NUP210L: variants seen among roughly 807,000 people sequenced by gnomAD.
The protein encoded by NUP210L is nuclear pore membrane glycoprotein 210-like.
In NUP210L, 74 loss-of-function variants were observed where a neutral mutation model predicts 208.5. The ratio of observed to expected loss-of-function variants is 0.35; its 90% CI spans 0.29 to 0.43. NUP210L has a LOEUF of 0.43. Ranked by LOEUF, NUP210L falls within the 20% of genes least tolerant of loss-of-function variation. The probability of loss-of-function intolerance (pLI) is 1.00; values close to 1 mark genes in which losing one functional copy is unlikely to be tolerated. For missense variants in NUP210L, 1,843 were observed against 2,289.4 expected (o/e 0.81, Z 3.98); for synonymous variants, 780 against 816.9 (o/e 0.95, Z 0.77).
At chr1:154,025,784 A>G (rs1571184362) in intron 29 of NUP210L, 68 bp from the exon 30 acceptor site, 1 of 1,402,808 alleles carries the variant, frequency 7.1e-7, no homozygotes, top group East Asian at 2.3e-5. Context: ...AAGAGTAAAA[A>G]TTTCCAGGAT....
Position 154,113,857 on chromosome 1 carries a change from CAAAAAA to C in NUP210L, c.1620+3862_1620+3867del, listed in dbSNP as rs11298820. Among the ~76,000 whole-genome samples the C allele has an allele frequency of 2.4e-3, 99 of 40,674 alleles. 1 individual carries two copies. The highest frequency in any genetic ancestry group is 0.011 in the African/African-American group (92 of 8,646). 26.7% of individuals were successfully genotyped at this position (40,674 alleles called of 152,430 possible). A position where few individuals can be genotyped will look rare whatever the true frequency, so the allele number is the denominator to read the frequency against. Reference sequence around the variant, plus strand: ...TGGACAACAGAGCAAGACTCCATCTCAAAAAAAAAAAAAAAAAAAAAAGCCGGGTGT... The same window carrying C: ...TGGACAACAGAGCAAGACTCCATCTCAAAAAAAAAAAAAAAAGCCGGGTGT... On this transcript the variant is annotated intron_variant, in intron 12 of 39. Coordinates refer to ENST00000368559, the Ensembl canonical transcript of NUP210L.
intron 25 of NUP210L, among the ~76,000 whole-genome samples, chr1:154,048,363 G>A (rs1653302357): frequency 6.6e-6 from 1 of 152,046 alleles, no homozygotes; most frequent in Admixed American, 6.6e-5. Context: ...TTCCCTGTTA[G>A]GATACACCCC....
At chr1:154,073,859 A>AATTC (rs1654902926) in intron 16 of NUP210L, among the ~76,000 whole-genome samples, 1 of 141,970 alleles carries the variant, frequency 7.0e-6, no homozygotes, top group Non-Finnish European at 1.6e-5. Flanking sequence ...TAAATAAATA[A>AATTC]ATTCAATGGT....
At chr1:154,101,913 G>T (rs1189674601) in intron 13 of NUP210L, among the ~76,000 whole-genome samples, 1 of 152,204 alleles carries the variant, frequency 6.6e-6, no homozygotes, top group Admixed American at 6.5e-5. Context: ...ACTTTGGGAG[G>T]CCGAGGCAGG....
intron 16 of NUP210L, among the ~76,000 whole-genome samples, chr1:154,077,885 TGA>T (rs1655123905): frequency 6.6e-6 from 1 of 151,998 alleles, no homozygotes; most frequent in Admixed American, 6.6e-5. Flanking sequence ...CTTGGGAGGC[TGA>T]GACAGGAGAA....
At chr1:154,042,783 C>T (rs1316112121) in intron 27 of NUP210L, among the ~76,000 whole-genome samples, 1 of 151,774 alleles carries the variant, frequency 6.6e-6, no homozygotes, top group Non-Finnish European at 1.5e-5. Flanking sequence ...TCCAGTGGTG[C>T]AATCTCGGCT....
intron 7 of NUP210L, among the ~76,000 whole-genome samples, chr1:154,134,630 G>A (rs1402076993): frequency 6.0e-5 from 9 of 148,836 alleles, no homozygotes; most frequent in African/African-American, 2.2e-4. Context: ...CCAGCTACTC[G>A]GGAGGCTGAG....
chr1:154,126,016 C>T (rs1178022705), intron 10 of NUP210L, among the ~76,000 whole-genome samples: 1 of 151,746 alleles, frequency 6.6e-6, no homozygotes, highest in Non-Finnish European at 1.5e-5. Context: ...GATCCGCCCG[C>T]CTCGGCCTCC....
At chr1:154,041,651 A>G (rs541236591) in intron 27 of NUP210L, among the ~76,000 whole-genome samples, 41 of 152,194 alleles carry the variant, frequency 2.7e-4, no homozygotes, top group Admixed American at 1.0e-3. Flanking sequence ...AGAGAAAAAA[A>G]AAAAGAAAAG....
chr1:154,000,350 C>A (rs946861427), intron 37 of NUP210L, among the ~76,000 whole-genome samples: 2 of 152,114 alleles, frequency 1.3e-5, no homozygotes, highest in African/African-American at 4.8e-5. Context: ...GTGGATGCCA[C>A]AGATAATATT....
Position 154,019,003 on chromosome 1 carries a change from C to A in NUP210L, c.4583G>T (p.Gly1528Val), listed in dbSNP as rs371933630. The change falls in exon 33 of 40, where the codon GGA becomes GTA. Residue 1528 changes from glycine (G) to valine (V), a missense_variant. Around this residue, in one of 5 missense-constraint regions of NUP210L, gnomAD observed 781 missense variants for 973.8 expected, o/e 0.80. Coordinates refer to ENST00000368559, the Ensembl canonical transcript of NUP210L. The stretch of plus-strand genomic sequence containing the variant: ...TGCAGTCCCCGGACTCCTGGCCACT[C>A]CTACTCCAGTGACAATGTCTGTCTG... The A allele has an allele frequency of 3.1e-6, 5 of 1,614,088 alleles. No individual in the cohort carries two copies. The African/African-American group carries it at 6.7e-5, about 22-fold the overall frequency.
chr1:154,078,301 T>C (rs548569730), intron 16 of NUP210L, among the ~76,000 whole-genome samples: 9 of 146,450 alleles, frequency 6.1e-5, no homozygotes, highest in African/African-American at 2.3e-4. Context: ...AGATCCTATC[T>C]CCAAAAAAAA....
intron 27 of NUP210L, among the ~76,000 whole-genome samples, chr1:154,035,562 T>C (rs1652486537): frequency 6.6e-6 from 1 of 151,486 alleles, no homozygotes; most frequent in Non-Finnish European, 1.5e-5. Flanking sequence ...CACGCCCAGC[T>C]AATTTTTTGT....
rs12082525 is a variant in NUP210L, at chr1:154,057,310, C to T, written c.3108-363G>A. On this transcript the variant is annotated intron_variant, in intron 22 of 39. Transcript: ENST00000368559. ...GTTCTGAAAGTGGCCAGTGGTGCAT[C>T]TTTCCAAGGTGCTTAACATTTTCTG... Among the ~76,000 whole-genome samples, 383 of 152,154 alleles carry T rather than the reference C, an allele frequency of 2.5e-3. 3 individuals are homozygous for T. Among genetic ancestry groups the T allele is most frequent in the African/African-American group, 8.9e-3 (370 of 41,498 alleles).
intron 12 of NUP210L, among the ~76,000 whole-genome samples, chr1:154,105,373 C>A (rs1258643909): frequency 1.3e-5 from 2 of 152,034 alleles, no homozygotes; most frequent in African/African-American, 4.8e-5. Context: ...ACCTGTAATC[C>A]CAGCTATCAG....
intron 33 of NUP210L, among the ~76,000 whole-genome samples, chr1:154,016,741 C>G (rs1468763755): frequency 6.6e-6 from 1 of 152,010 alleles, no homozygotes. Flanking sequence ...CTCAGGAGTT[C>G]GAGACCAGCA....
At chr1:154,006,625 C>A (rs932738695) in intron 35 of NUP210L, among the ~76,000 whole-genome samples, 3 of 151,496 alleles carry the variant, frequency 2.0e-5, no homozygotes, top group Admixed American at 6.6e-5. Flanking sequence ...TCCCGAGTAG[C>A]TGGGACTACA....
chr1:154,023,179 T>C, exon 31 of NUP210L: 3 of 1,614,028 alleles, frequency 1.9e-6, no homozygotes, highest in South Asian at 2.2e-5. Context: ...TCCGATACTA[T>C]TATAAAACTG....
At chr1:154,046,499 G>A (rs1242796066) in intron 25 of NUP210L, 130 bp from the exon 26 acceptor site, 7 of 738,468 alleles carry the variant, frequency 9.5e-6, no homozygotes, top group Non-Finnish European at 1.6e-5. Context: ...GCTTATTGCA[G>A]CACTATTCAC....
Sources: gnomAD v4.1 joint callset for allele counts (sites outside exome capture counted in the v4.1 genomes callset) on GRCh38, gnomAD v4.1.1 for gene constraint, gnomAD v4.1.1 regional missense constraint, MANE v1.5 for transcripts, NCBI Gene and HGNC (gene_info 2026-07-23, HGNC 2026-07-21) for gene names.